The following NTM variants were observed in gnomAD, a reference collection of about 807,000 sequenced individuals.
NTM encodes the protein neurotrimin, also known as IgLON family member 2.
A neutral mutation model predicts 42.1 loss-of-function variants in NTM; 13 were observed. That is an observed-to-expected ratio of 0.31 (90% CI 0.20 to 0.49). NTM has a LOEUF of 0.49. Ranked by LOEUF, NTM falls within the 20% of genes least tolerant of loss-of-function variation. NTM has a pLI of 0.99. For missense variants in NTM, 373 were observed against 452.8 expected (o/e 0.82, Z 1.60); for synonymous variants, 187 against 179.2 (o/e 1.04, Z -0.35).
chr11:131,716,887 C>T (rs2077750507), intron 1 of NTM, among the ~76,000 whole-genome samples: 1 of 152,134 alleles, frequency 6.6e-6, no homozygotes, highest in African/African-American at 2.4e-5. Flanking sequence ...GTCACCTAGT[C>T]TGCAGTGCAG....
chr11:131,882,612 C>T (rs1019864097), intron 1 of NTM, among the ~76,000 whole-genome samples: 13 of 152,116 alleles, frequency 8.5e-5, no homozygotes, highest in South Asian at 4.1e-4. Flanking sequence ...TCTTTACATT[C>T]GGAGTATCTC....
intron 2 of NTM, among the ~76,000 whole-genome samples, chr11:132,052,773 CTGTGTGTGTGTGTG>C (rs5795753): frequency 2.7e-5 from 4 of 148,272 alleles, no homozygotes; most frequent in Non-Finnish European, 6.0e-5. Context: ...TCCAGGCTCA[CTGTGTGTGTGTGTG>C]TGTGTGTGTG....
chr11:131,388,423 G>GT (rs1943582977), intron 1 of NTM, among the ~76,000 whole-genome samples: 5 of 143,740 alleles, frequency 3.5e-5, no homozygotes, highest in African/African-American at 1.1e-4. Flanking sequence ...TTGGGTTTTG[G>GT]GTTTTTTTTT....
At chr11:131,752,542 T>C (rs987938487) in intron 1 of NTM, among the ~76,000 whole-genome samples, 1 of 152,200 alleles carries the variant, frequency 6.6e-6, no homozygotes. Flanking sequence ...TTACTGGGTA[T>C]ATACCCAAAG....
chr11:131,448,799 T>C (rs1313186445), intron 1 of NTM, among the ~76,000 whole-genome samples: 1 of 152,188 alleles, frequency 6.6e-6, no homozygotes, highest in African/African-American at 2.4e-5. Context: ...GTGATGTTGG[T>C]GACCCGGAAG....
In NTM at chr11:131,536,695, C is replaced by T. The variant is rs117421138; in HGVS notation, c.82+165807C>T. 20 of 152,200 alleles carry T rather than the reference C, an allele frequency of 1.3e-4. No individual in the cohort carries two copies. In the East Asian group the frequency reaches 1.7e-3, roughly 13 times the overall value. 9.4% of individuals were successfully genotyped at this position (152,200 alleles called of 1,614,324 possible). A position where few individuals can be genotyped will look rare whatever the true frequency, so the allele number is the denominator to read the frequency against. ...TCTACTTGAGGAAACATGATGTATA[C>T]GCATGAAACAATTACTCAGTATTTT... On this transcript the variant is annotated intron_variant, in intron 1 of 8. Coordinates refer to ENST00000683400, the MANE Select transcript of NTM (RefSeq NM_001352005.2).
chr11:131,569,838 C>T (rs564374469), intron 1 of NTM, among the ~76,000 whole-genome samples: 16 of 152,346 alleles, frequency 1.1e-4, no homozygotes, highest in Non-Finnish European at 2.4e-4. Flanking sequence ...ACCACAGCTT[C>T]CCAAAGCTCT....
intron 2 of NTM, among the ~76,000 whole-genome samples, chr11:132,024,070 G>A (rs1019207894): frequency 6.6e-6 from 1 of 151,692 alleles, no homozygotes; most frequent in Admixed American, 6.6e-5. Context: ...CGCCCACCTC[G>A]GGCTCCCCAA....
At chr11:132,070,364 C>G (rs1188576646) in intron 2 of NTM, among the ~76,000 whole-genome samples, 1 of 142,634 alleles carries the variant, frequency 7.0e-6, no homozygotes, top group Non-Finnish European at 1.6e-5. Context: ...TCAAACTGAC[C>G]ATCACAGGTT....
At chr11:131,416,387 C>T (rs559621047) in intron 1 of NTM, among the ~76,000 whole-genome samples, 7 of 152,290 alleles carry the variant, frequency 4.6e-5, no homozygotes, top group South Asian at 4.1e-4. Flanking sequence ...ACATTTGCTG[C>T]GTTACAGGAA....
At chr11:131,794,565 A>G in intron 1 of NTM, 5 of 985,290 alleles carry the variant, frequency 5.1e-6, no homozygotes, top group Non-Finnish European at 6.0e-6. Context: ...ACTGAGTTCT[A>G]CAAGTGCTTG....
chr11:131,802,775 T>A (rs1305286594), intron 1 of NTM, among the ~76,000 whole-genome samples: 2 of 152,208 alleles, frequency 1.3e-5, no homozygotes, highest in Non-Finnish European at 2.9e-5. Context: ...CCTGAGAAAC[T>A]GTGAAAAGAA....
At chr11:131,547,276 T>C (rs1394679887) in intron 1 of NTM, among the ~76,000 whole-genome samples, 1 of 152,176 alleles carries the variant, frequency 6.6e-6, no homozygotes, top group Non-Finnish European at 1.5e-5. Flanking sequence ...ATTATATAAA[T>C]GTTATAGATT....
chr11:131,595,532 G>A (rs992331957), intron 1 of NTM, among the ~76,000 whole-genome samples: 3 of 152,166 alleles, frequency 2.0e-5, no homozygotes, highest in Non-Finnish European at 4.4e-5. Flanking sequence ...TCCATCCCAA[G>A]CAATTGTGTT....
chr11:131,664,972 G>C (rs1206477806), intron 1 of NTM, among the ~76,000 whole-genome samples: 3 of 152,118 alleles, frequency 2.0e-5, no homozygotes, highest in Non-Finnish European at 2.9e-5. Flanking sequence ...CCGCGCTTCT[G>C]CTGGGCACCA....
chr11:132,223,122 A>G (rs1287579977), intron 4 of NTM, among the ~76,000 whole-genome samples: 1 of 152,200 alleles, frequency 6.6e-6, no homozygotes, highest in African/African-American at 2.4e-5. Flanking sequence ...TGGTAAAGCA[A>G]TTTTGATTAA....
chr11:131,835,268 T>C (rs2043342771), intron 1 of NTM, among the ~76,000 whole-genome samples: 1 of 152,182 alleles, frequency 6.6e-6, no homozygotes, highest in African/African-American at 2.4e-5. Context: ...CCCTGGAGTC[T>C]ATGAAAGTAA....
intron 1 of NTM, among the ~76,000 whole-genome samples, chr11:131,624,308 T>A (rs573593021): frequency 6.6e-6 from 1 of 152,306 alleles, no homozygotes; most frequent in African/African-American, 2.4e-5. Flanking sequence ...GGGCCACTGA[T>A]CAGCACTGTG....
intron 1 of NTM, among the ~76,000 whole-genome samples, chr11:131,794,024 G>A (rs2091266420): frequency 6.6e-6 from 1 of 152,202 alleles, no homozygotes; most frequent in African/African-American, 2.4e-5. Context: ...GGACAGATGG[G>A]ATAACCATCG....
Sources: allele counts gnomAD v4.1 joint callset (sites outside exome capture counted in the v4.1 genomes callset), GRCh38; gene constraint gnomAD v4.1.1; transcripts MANE v1.5; gene names NCBI Gene and HGNC (gene_info 2026-07-23, HGNC 2026-07-21).